Variants in TENM3 observed in about 807,000 individuals in gnomAD.
TENM3 encodes the protein teneurin transmembrane protein 3.
In TENM3, 63 loss-of-function variants were observed where a neutral mutation model predicts 255.1. That is an observed-to-expected ratio of 0.25 (90% CI 0.20 to 0.30). The LOEUF (loss-of-function observed/expected upper bound fraction) is 0.30, where lower values mean the gene tolerates loss of function less well. Ranked by LOEUF, TENM3 falls within the 10% of genes least tolerant of loss-of-function variation. TENM3 has a pLI of 1.00. For missense variants in TENM3, 2,929 were observed against 3,461.1 expected (o/e 0.85, Z 3.86); for synonymous variants, 1,306 against 1,322.3 (o/e 0.99, Z 0.27).
chr4:182,158,790 A>C (rs1281861524), intron 1 of TENM3, among the ~76,000 whole-genome samples: 1 of 152,178 alleles, frequency 6.6e-6, no homozygotes, highest in Non-Finnish European at 1.5e-5. Flanking sequence ...GGCCAGCTAT[A>C]ACTAAAGTAT....
At chr4:182,033,764 G>A in the TENM3 span, among the ~76,000 whole-genome samples, 2 of 152,102 alleles carry the variant, frequency 1.3e-5, no homozygotes, top group African/African-American at 4.8e-5. Context: ...TCTTCTTGTT[G>A]CATTGAACCT....
chr4:182,641,137 C>T lies in TENM3; in HGVS notation c.988+12248C>T, dbSNP rs1278817545. Among the ~76,000 whole-genome samples, 3 of 152,202 alleles carry T rather than the reference C, an allele frequency of 2.0e-5. No homozygotes were observed. The East Asian group carries it at 5.8e-4, about 29-fold the overall frequency. Reference sequence around the variant, plus strand: ...AACAAATCACATGAGCTGCTCGTGCCTACATTACTGAAGGATCATTGATTC... The same window carrying T: ...AACAAATCACATGAGCTGCTCGTGCTTACATTACTGAAGGATCATTGATTC... On this transcript the variant is annotated intron_variant, in intron 5 of 27. Transcript: ENST00000511685.
the TENM3 span, among the ~76,000 whole-genome samples, chr4:181,580,481 C>A: frequency 7.1e-3 from 1,088 of 152,242 alleles, 10 homozygotes; most frequent in African/African-American, 0.025. Flanking sequence ...TACTGTCTCG[C>A]AGATGATGGC....
intron 3 of TENM3, among the ~76,000 whole-genome samples, chr4:182,488,376 G>T (rs1199783138): frequency 2.0e-5 from 3 of 152,150 alleles, no homozygotes; most frequent in Admixed American, 6.6e-5. Context: ...CTTTTAGATG[G>T]TGTCACTGAG....
At chr4:181,750,131 A>T in the TENM3 span, among the ~76,000 whole-genome samples, 283 of 152,270 alleles carry the variant, frequency 1.9e-3, no homozygotes, top group African/African-American at 6.6e-3. Flanking sequence ...TGGACGTGAA[A>T]AGTAAAGGTT....
At chr4:182,385,262 C>CTTTTTTTTT (rs397762118) in intron 3 of TENM3, among the ~76,000 whole-genome samples, 2 of 112,102 alleles carry the variant, frequency 1.8e-5, no homozygotes, top group African/African-American at 3.4e-5. Flanking sequence ...TATTGTGCGT[C>CTTTTTTTTT]TTTTTTTTTT....
chr4:182,273,867 T>G (rs985808393), intron 1 of TENM3, among the ~76,000 whole-genome samples: 5 of 152,248 alleles, frequency 3.3e-5, no homozygotes, highest in Non-Finnish European at 5.9e-5. Flanking sequence ...TTAAATTTAA[T>G]GAAGGAGCTT....
the TENM3 span, among the ~76,000 whole-genome samples, chr4:181,452,730 T>C: frequency 3.9e-5 from 6 of 152,302 alleles, no homozygotes; most frequent in African/African-American, 1.2e-4. Flanking sequence ...AATGCCGAGA[T>C]GAGATCCAGC....
chr4:181,645,123 T>A, the TENM3 span, among the ~76,000 whole-genome samples: 1 of 152,228 alleles, frequency 6.6e-6, no homozygotes, highest in Non-Finnish European at 1.5e-5. Flanking sequence ...AAATGGAAGA[T>A]TCCTGGATGA....
chr4:182,653,143 C>T (rs1364992095), intron 5 of TENM3, among the ~76,000 whole-genome samples: 1 of 151,874 alleles, frequency 6.6e-6, no homozygotes, highest in Non-Finnish European at 1.5e-5. Flanking sequence ...TTATTTTACC[C>T]ACATCAGAAA....
Position 182,792,172 on chromosome 4 carries a change from C to T in TENM3, c.5602-102C>T, listed in dbSNP as rs1766157408. 2 of 1,094,048 alleles carry T rather than the reference C, an allele frequency of 1.8e-6. No homozygotes were observed. Among genetic ancestry groups the T allele is most frequent in the East Asian group, 2.4e-5 (1 of 42,040 alleles). 67.8% of individuals were successfully genotyped at this position (1,094,048 alleles called of 1,614,324 possible). The stretch of plus-strand genomic sequence containing the variant: ...AGGATAACTCAATTAAAATGAAAAT[C>T]ATTTTCTCTAGTGGAATGTTTCTGT... On this transcript the variant is annotated intron_variant, in intron 25 of 27. Transcript: ENST00000511685. The surrounding 1 kb of genome is among the most constrained non-coding windows in gnomAD (Gnocchi z 6.3).
At chr4:182,246,388 T>C (rs1217671706) in intron 1 of TENM3, among the ~76,000 whole-genome samples, 2 of 119,642 alleles carry the variant, frequency 1.7e-5, no homozygotes, top group Non-Finnish European at 3.2e-5. Flanking sequence ...AGATAAGCAG[T>C]GGACACGAAG....
At chr4:182,031,661 A>C in the TENM3 span, among the ~76,000 whole-genome samples, 1 of 152,104 alleles carries the variant, frequency 6.6e-6, no homozygotes, top group African/African-American at 2.4e-5. Flanking sequence ...CATTTTCATG[A>C]TGTTGATTCT....
At chr4:182,653,915 C>T (rs774884078) in intron 6 of TENM3, 22 bp downstream of exon 6, 29 of 1,588,022 alleles carry the variant, frequency 1.8e-5, no homozygotes, top group Non-Finnish European at 2.3e-5. Flanking sequence ...AATTATGTAT[C>T]CTGTGTTTCT....
chr4:182,009,687 A>G, the TENM3 span, among the ~76,000 whole-genome samples: 1 of 151,972 alleles, frequency 6.6e-6, no homozygotes, highest in Admixed American at 6.6e-5. Flanking sequence ...CCCCTCCTCC[A>G]AGGAGCTTAA....
chr4:182,639,848 T>G lies in TENM3; in HGVS notation c.988+10959T>G, dbSNP rs1398368489. ...GGCTCACACCTGTAATCCCAGCATT[T>G]TGGGAGCCTGAGGCGGGCAGATCAC... On this transcript the variant is annotated intron_variant, in intron 5 of 27. Coordinates refer to ENST00000511685, the MANE Select transcript of TENM3 (RefSeq NM_001080477.4). 2.6e-5 allele frequency among the ~76,000 whole-genome samples: 4 copies of G among 152,114 alleles called. 1 individual carries two copies. Among genetic ancestry groups the G allele is most frequent in the African/African-American group, 7.2e-5 (3 of 41,416 alleles).
the TENM3 span, among the ~76,000 whole-genome samples, chr4:181,930,910 A>G: frequency 1.3e-5 from 2 of 152,216 alleles, no homozygotes; most frequent in Non-Finnish European, 2.9e-5. Context: ...ACCAATGACA[A>G]AAACCACATG....
At chr4:182,028,066 T>C in the TENM3 span, among the ~76,000 whole-genome samples, 4 of 152,178 alleles carry the variant, frequency 2.6e-5, no homozygotes, top group Non-Finnish European at 4.4e-5. Flanking sequence ...CTTTAAATGT[T>C]TGGTAGAATT....
intron 3 of TENM3, among the ~76,000 whole-genome samples, chr4:182,356,310 C>T (rs1212498476): frequency 6.6e-6 from 1 of 152,062 alleles, no homozygotes; most frequent in Admixed American, 6.6e-5. Context: ...AGAGACCAGC[C>T]TGGGAAACAT....
Sources: allele counts gnomAD v4.1 joint callset (sites outside exome capture counted in the v4.1 genomes callset), GRCh38; gene constraint gnomAD v4.1.1; non-coding constraint Gnocchi (gnomAD v3.1); transcripts MANE v1.5; gene names NCBI Gene and HGNC (gene_info 2026-07-23, HGNC 2026-07-21).